C4orf50: variants seen among roughly 807,000 people sequenced by gnomAD.
The protein encoded by C4orf50 is uncharacterized protein C4orf50.
C4orf50 carries 80 observed loss-of-function variants against 77.2 expected under a neutral mutation model. The observed-to-expected ratio is 1.04, with a 90% CI of 0.87 to 1.25. C4orf50 has a LOEUF of 1.25. Among genes scored for constraint, C4orf50 ranks in the 50% most tolerant of loss-of-function variants. The pLI is 0.00. For missense variants in C4orf50, 1,257 were observed against 1,152.9 expected (o/e 1.09, Z -1.31); for synonymous variants, 532 against 465.3 (o/e 1.14, Z -1.84).
At chr4:6,003,895 G>T (rs1721996964) in intron 25 of C4orf50, among the ~76,000 whole-genome samples, 60 of 112,834 alleles carry the variant, frequency 5.3e-4, no homozygotes, top group African/African-American at 9.1e-4. Flanking sequence ...TTATGGTGAT[G>T]ATGTGATGGT....
In C4orf50 at chr4:5,992,720, C is replaced by T. The variant is rs979936654; in HGVS notation, c.1221+83G>A. ...GCTTCTTTACCCCTCCCACATCCTG[C>T]GTGTGGCCACATAGCCTGCATGAGG... On this transcript the variant is annotated intron_variant, in intron 27 of 33. Coordinates refer to ENST00000531445, the Ensembl canonical transcript of C4orf50. This position sits in a 1 kb window ranked among gnomAD's most constrained non-coding sequence, Gnocchi z 5.0. 5 of 398,654 alleles carry T rather than the reference C, an allele frequency of 1.3e-5. No individual in the cohort carries two copies. The highest frequency in any genetic ancestry group is 4.1e-5 in the African/African-American group (2 of 48,614). 24.7% of individuals were successfully genotyped at this position (398,654 alleles called of 1,614,324 possible). A position where few individuals can be genotyped will look rare whatever the true frequency, so the allele number is the denominator to read the frequency against.
intron 28 of C4orf50, among the ~76,000 whole-genome samples, chr4:5,984,862 C>A (rs187288929): frequency 0.012 from 1,734 of 147,340 alleles, 17 homozygotes; most frequent in Non-Finnish European, 0.014. Context: ...AAAAAAAAAA[C>A]CAAACAAAAA....
At chr4:5,909,474 GTTGA>G (rs1276808430) in intron 7 of C4orf50, among the ~76,000 whole-genome samples, 1 of 152,148 alleles carries the variant, frequency 6.6e-6, no homozygotes, top group East Asian at 1.9e-4. Flanking sequence ...TCTTTACTCT[GTTGA>G]TTGTTTCCTT....
intron 28 of C4orf50, 35 bp from the exon 7 acceptor site, chr4:5,980,373 G>T: frequency 6.3e-7 from 1 of 1,593,686 alleles, no homozygotes; most frequent in East Asian, 2.3e-5. Context: ...AAATGTTTAG[G>T]TTATCCTTCA....
In C4orf50 at chr4:6,018,194, A is replaced by T; in HGVS notation, c.238T>A (p.Ser80Thr). ...GTCACGTACTTGTCCTCTGCTGCTG[A>T]CAGCTTCTGCTCGGAGGACTCCAGC... Residue 80 changes from serine (S) to threonine (T), a missense_variant, in exon 23 of 34, where the codon TCA (serine) becomes ACA (threonine). Ser to Thr is a moderately conservative substitution (Grantham distance 58). Coordinates refer to ENST00000531445, the Ensembl canonical transcript of C4orf50. The surrounding 1 kb of genome is among the most constrained non-coding windows in gnomAD (Gnocchi z 5.1). 1 of 398,952 alleles carries T rather than the reference A, an allele frequency of 2.5e-6. No homozygotes were observed. The highest frequency in any genetic ancestry group is 4.4e-5 in the Admixed American group (1 of 22,740). 24.7% of individuals were successfully genotyped at this position (398,952 alleles called of 1,614,324 possible). A position where few individuals can be genotyped will look rare whatever the true frequency, so the allele number is the denominator to read the frequency against.
intron 7 of C4orf50, among the ~76,000 whole-genome samples, chr4:5,920,009 A>G (rs981430343): frequency 3.9e-5 from 6 of 152,246 alleles, no homozygotes; most frequent in Non-Finnish European, 8.8e-5. Context: ...TAGAGCATTT[A>G]CATTGTATTA....
chr4:5,972,860 T>A (rs1436292168), intron 31 of C4orf50, among the ~76,000 whole-genome samples: 1 of 152,224 alleles, frequency 6.6e-6, no homozygotes, highest in Non-Finnish European at 1.5e-5. Context: ...CAGGCACGGC[T>A]GGGCACCCGT....
intron 7 of C4orf50, among the ~76,000 whole-genome samples, chr4:5,922,484 G>C (rs1717321351): frequency 6.6e-6 from 1 of 152,320 alleles, no homozygotes; most frequent in African/African-American, 2.4e-5. Flanking sequence ...CCCTGCATCA[G>C]GTGTTGGGGC....
In C4orf50 at chr4:5,915,959, G is replaced by T. The variant is rs529876832; in HGVS notation, c.*2475-17771C>A. On this transcript the variant is annotated intron_variant, in intron 7 of 7. Transcript: ENST00000324058. Reference sequence around the variant, plus strand: ...CCATAGATTTCACTGAGATAGACCAGGTTTTGTATCTGCAGGCACAATTTG... The same window carrying T: ...CCATAGATTTCACTGAGATAGACCATGTTTTGTATCTGCAGGCACAATTTG... 5.9e-5 allele frequency among the ~76,000 whole-genome samples: 9 copies of T among 152,310 alleles called. No homozygotes were observed. In the South Asian group the frequency reaches 1.9e-3, roughly 32 times the overall value.
At chr4:5,911,979 G>A (rs923024886) in intron 7 of C4orf50, among the ~76,000 whole-genome samples, 61 of 152,166 alleles carry the variant, frequency 4.0e-4, no homozygotes, top group Admixed American at 7.2e-4. Context: ...CCCGGAGGCG[G>A]AGGTTGCAGT....
rs759127261 is a variant in C4orf50 at position 6,017,745 on chromosome 4, G to T, written c.287+400C>A. ...TCCCCTAAAAAAATCACCCCAAACC[G>T]ACCAACTGGATTTGTCTGCCTCTGT... On this transcript the variant is annotated intron_variant, in intron 23 of 33. Transcript: ENST00000531445. The surrounding 1 kb of genome is among the most constrained non-coding windows in gnomAD (Gnocchi z 4.7). Among the ~76,000 whole-genome samples the T allele has an allele frequency of 6.6e-6, 1 of 152,046 alleles. No homozygotes were observed. Among genetic ancestry groups the T allele is most frequent in the Non-Finnish European group, 1.5e-5 (1 of 67,994 alleles).
At chr4:5,907,792 G>A (rs942298936) in intron 7 of C4orf50, among the ~76,000 whole-genome samples, 17 of 152,170 alleles carry the variant, frequency 1.1e-4, no homozygotes, top group Non-Finnish European at 2.2e-4. Context: ...GGGGTCTTGG[G>A]CATAAAAGAG....
chr4:5,917,729 T>G (rs992433965), intron 7 of C4orf50, among the ~76,000 whole-genome samples: 1 of 152,116 alleles, frequency 6.6e-6, no homozygotes, highest in Non-Finnish European at 1.5e-5. Flanking sequence ...CTGAAAGCTA[T>G]AGTATGTTTC....
intron 25 of C4orf50, among the ~76,000 whole-genome samples, chr4:5,995,776 T>C (rs1329202722): frequency 6.6e-6 from 1 of 152,226 alleles, no homozygotes; most frequent in African/African-American, 2.4e-5. Context: ...GAAAAGTAGA[T>C]GTTTTAGATT....
At position 5,908,373 on chromosome 4, in the gene C4orf50, G is replaced by C. The variant is rs1716648156; in HGVS notation, c.*2475-10185C>G. Reference sequence around the variant, plus strand: ...TCACTGCACTGCACTGCATGTGTGGGGATATCAGAGAGGACCTCTGACTTC... The same window carrying C: ...TCACTGCACTGCACTGCATGTGTGGCGATATCAGAGAGGACCTCTGACTTC... On this transcript the variant is annotated intron_variant, in intron 7 of 7. Coordinates refer to the C4orf50 transcript ENST00000324058. This position sits in a 1 kb window ranked among gnomAD's most constrained non-coding sequence, Gnocchi z 5.6. Among the ~76,000 whole-genome samples, 1 of 152,122 alleles carries C rather than the reference G, an allele frequency of 6.6e-6. No individual in the cohort carries two copies. Among genetic ancestry groups the C allele is most frequent in the Non-Finnish European group, 1.5e-5 (1 of 68,032 alleles).
At position 5,919,549 on chromosome 4, in the gene C4orf50, G is replaced by A. The variant is rs1259129500; in HGVS notation, c.*2475-21361C>T. Among the ~76,000 whole-genome samples the A allele has an allele frequency of 6.6e-6, 1 of 152,174 alleles. No homozygotes were observed. On this transcript the variant is annotated intron_variant, in intron 7 of 7. Coordinates refer to the C4orf50 transcript ENST00000324058. The surrounding 1 kb of genome is among the most constrained non-coding windows in gnomAD (Gnocchi z 6.5). ...GGAAGGTTTCCCTGAGCAGCTATCA[G>A]CTGAAGCATGGGTGGAGAGGATAGC...
Position 6,007,755 on chromosome 4 carries a change from G to A in C4orf50, c.963+241C>T, listed in dbSNP as rs73071513. Among the ~76,000 whole-genome samples, 21 of 150,302 alleles carry A rather than the reference G, an allele frequency of 1.4e-4. No individual in the cohort carries two copies. The highest frequency in any genetic ancestry group is 5.1e-4 in the African/African-American group (21 of 40,860). ...TGTGCATCTGAGGATGGACAGGTGA[G>A]TGGACACGGTTGGTGGATGGGTAAT... On this transcript the variant is annotated intron_variant, in intron 25 of 33. Coordinates refer to ENST00000531445, the Ensembl canonical transcript of C4orf50. The surrounding 1 kb of genome is among the most constrained non-coding windows in gnomAD (Gnocchi z 4.1).
intron 7 of C4orf50, among the ~76,000 whole-genome samples, chr4:5,915,885 G>A (rs1183774717): frequency 1.3e-5 from 2 of 152,198 alleles, no homozygotes; most frequent in Non-Finnish European, 2.9e-5. Flanking sequence ...TTTCCTGAAT[G>A]TTCCTTTTAG....
chr4:5,990,084 A>G (rs923463632), exon 28 of C4orf50: 83 of 1,310,344 alleles, frequency 6.3e-5, no homozygotes, highest in Non-Finnish European at 7.5e-5. Context: ...CTCCTCGGAG[A>G]CCCCAGACGT....
Sources: allele counts gnomAD v4.1 joint callset (sites outside exome capture counted in the v4.1 genomes callset), GRCh38; gene constraint gnomAD v4.1.1; non-coding constraint Gnocchi (gnomAD v3.1); transcripts MANE v1.5; gene names NCBI Gene and HGNC (gene_info 2026-07-23, HGNC 2026-07-21).